The following CSMD1 variants were observed in gnomAD, a reference collection of about 807,000 sequenced individuals.
CSMD1 encodes the protein CUB and Sushi multiple domains 1.
Under a neutral mutation model 417.5 loss-of-function variants are expected in CSMD1, and 213 were observed. The ratio of observed to expected loss-of-function variants is 0.51; its 90% CI spans 0.46 to 0.57. The LOEUF is 0.57. CSMD1 is among the 20% of genes least tolerant of loss of function. The probability of loss-of-function intolerance (pLI) is 0.00; values close to 1 mark genes in which losing one functional copy is unlikely to be tolerated. For synonymous variants in CSMD1, 2,862 were observed against 1,736.8 expected (o/e 1.65, Z -16.11); for missense variants, 6,923 against 4,529.7 (o/e 1.53, Z -15.17).
chr8:3,179,752 T>C (rs964110686), intron 37 of CSMD1, among the ~76,000 whole-genome samples: 3 of 152,240 alleles, frequency 2.0e-5, no homozygotes, highest in African/African-American at 7.2e-5. Context: ...TGTTTTTCTA[T>C]CTACAGAGAG....
chr8:4,587,239 G>A (rs1054336575), intron 2 of CSMD1, among the ~76,000 whole-genome samples: 3 of 152,040 alleles, frequency 2.0e-5, no homozygotes, highest in African/African-American at 4.8e-5. Flanking sequence ...CTTGTCTGTT[G>A]TTTTACACTG....
chr8:3,486,501 G>A (rs578254079), intron 11 of CSMD1, among the ~76,000 whole-genome samples: 1 of 152,122 alleles, frequency 6.6e-6, no homozygotes, highest in Non-Finnish European at 1.5e-5. Flanking sequence ...GGTCTTTTGG[G>A]TCTGTAAAAA....
chr8:3,827,055 T>G (rs1802095850), intron 5 of CSMD1, among the ~76,000 whole-genome samples: 1 of 152,208 alleles, frequency 6.6e-6, no homozygotes, highest in African/African-American at 2.4e-5. Flanking sequence ...GTGTTGACAT[T>G]ATAGGCATGA....
In CSMD1 at chr8:3,998,021, A is replaced by T; in HGVS notation, c.700T>A (p.Cys234Ser). 1 of 1,607,502 alleles carries T rather than the reference A, an allele frequency of 6.2e-7. No homozygotes were observed. The highest frequency in any genetic ancestry group is 8.5e-7 in the Non-Finnish European group (1 of 1,176,642). The change falls in exon 5 of 70, where the codon TGC (cysteine) becomes AGC (serine). Residue 234 changes from cysteine to serine, a missense_variant. By Grantham distance (112) the Cys-to-Ser change is moderately radical. Transcript: ENST00000635120. ...FPSEYENNAD[C>S]TWTILAEPGD... ...GGCTCAGCCAGAATGGTCCAGGTGC[A>T]GTCCGCGTTGTTCTCGTACTCTGAA...
intron 3 of CSMD1, among the ~76,000 whole-genome samples, chr8:4,297,977 G>C (rs909660867): frequency 4.6e-5 from 7 of 152,132 alleles, no homozygotes; most frequent in Non-Finnish European, 7.4e-5. Flanking sequence ...AGTGAATATG[G>C]TGAAGAGGTG....
At chr8:2,997,227 G>A (rs762565223) in intron 54 of CSMD1, among the ~76,000 whole-genome samples, 4 of 152,222 alleles carry the variant, frequency 2.6e-5, no homozygotes, top group Non-Finnish European at 5.9e-5. Context: ...TTGAGCTTAC[G>A]CCAAGACCTC....
intron 3 of CSMD1, among the ~76,000 whole-genome samples, chr8:4,362,894 AT>A (rs1326541244): frequency 1.3e-5 from 2 of 152,216 alleles, no homozygotes; most frequent in Admixed American, 6.5e-5. Flanking sequence ...TATAAAAGTA[AT>A]TTAATTAAAT....
At chr8:3,053,655 G>C (rs1399324392) in intron 49 of CSMD1, among the ~76,000 whole-genome samples, 1 of 152,144 alleles carries the variant, frequency 6.6e-6, no homozygotes, top group East Asian at 1.9e-4. Flanking sequence ...GATTTGGGGA[G>C]AATTCTGTGT....
At chr8:4,323,070 G>C (rs17069911) in intron 3 of CSMD1, among the ~76,000 whole-genome samples, 1 of 149,686 alleles carries the variant, frequency 6.7e-6, no homozygotes, top group Non-Finnish European at 1.5e-5. Flanking sequence ...CAAATAGAGA[G>C]TTAAGCAGCG....
chr8:3,644,001 T>C (rs1414005413), intron 7 of CSMD1, among the ~76,000 whole-genome samples: 4 of 152,188 alleles, frequency 2.6e-5, no homozygotes, highest in Admixed American at 2.6e-4. Context: ...TTCATCGCTG[T>C]TGTTTCAAAA....
rs116542237 is a variant in CSMD1 at position 3,126,953 on chromosome 8, G to A, written c.6242-8366C>T. 8.8e-3 allele frequency among the ~76,000 whole-genome samples: 1,338 copies of A among 152,256 alleles called. 28 individuals are homozygous for A. The highest frequency in any genetic ancestry group is 0.031 in the African/African-American group (1,290 of 41,552). ...CTAGGAGACGGGTCTACTGATGCAC[G>A]CTGAGAACGTCAGCTTTTGGTTCAG... is the stretch of plus-strand genomic sequence containing the variant. On this transcript the variant is annotated intron_variant, in intron 41 of 69. Transcript: ENST00000635120.
chr8:3,026,513 G>A (rs183291001), intron 51 of CSMD1, among the ~76,000 whole-genome samples: 214 of 150,534 alleles, frequency 1.4e-3, no homozygotes, highest in African/African-American at 4.8e-3. Context: ...GACCTCACTG[G>A]ACCTCACTCA....
chr8:3,209,981 CA>C, intron 30 of CSMD1, among the ~76,000 whole-genome samples: 1 of 152,212 alleles, frequency 6.6e-6, no homozygotes, highest in South Asian at 2.1e-4. Context: ...TACAATTCTA[CA>C]AAAAACTTCA....
intron 1 of CSMD1, among the ~76,000 whole-genome samples, chr8:4,823,708 T>C (rs1209244585): frequency 1.3e-5 from 2 of 151,974 alleles, no homozygotes; most frequent in Non-Finnish European, 2.9e-5. Flanking sequence ...ATTAATATAA[T>C]GCAATACAGA....
At chr8:3,034,923 C>T (rs1409713911) in intron 50 of CSMD1, among the ~76,000 whole-genome samples, 2 of 152,078 alleles carry the variant, frequency 1.3e-5, no homozygotes, top group African/African-American at 4.8e-5. Context: ...GCCAGCGGCA[C>T]TGTGGAGAAA....
At chr8:4,520,692 G>A (rs896803313) in intron 2 of CSMD1, among the ~76,000 whole-genome samples, 8 of 152,120 alleles carry the variant, frequency 5.3e-5, no homozygotes, top group African/African-American at 1.9e-4. Flanking sequence ...AGTCTTGTTT[G>A]TATGTGAAAG....
At chr8:3,476,041 C>T (rs1038584030) in intron 11 of CSMD1, among the ~76,000 whole-genome samples, 5 of 152,188 alleles carry the variant, frequency 3.3e-5, no homozygotes, top group Non-Finnish European at 5.9e-5. Context: ...TTCTAATCTA[C>T]GTGAAATACA....
intron 3 of CSMD1, among the ~76,000 whole-genome samples, chr8:4,398,214 G>C (rs1328040419): frequency 1.3e-5 from 2 of 152,260 alleles, no homozygotes; most frequent in East Asian, 3.9e-4. Context: ...AGGATGATCT[G>C]TAGTATGTGG....
intron 3 of CSMD1, among the ~76,000 whole-genome samples, chr8:4,344,815 A>C (rs568188390): frequency 6.6e-6 from 1 of 152,178 alleles, no homozygotes; most frequent in African/African-American, 2.4e-5. Context: ...TATGATATAT[A>C]GCAGCTGATC....
Sources: allele counts gnomAD v4.1 joint callset (sites outside exome capture counted in the v4.1 genomes callset), GRCh38; gene constraint gnomAD v4.1.1; transcripts MANE v1.5; gene names NCBI Gene and HGNC (gene_info 2026-07-23, HGNC 2026-07-21).